The following SLFN12L variants were observed in gnomAD, a reference collection of about 807,000 sequenced individuals.
SLFN12L encodes the protein schlafen family member 12 like.
A neutral mutation model predicts 34.8 loss-of-function variants in SLFN12L; 34 were observed. That is an observed-to-expected ratio of 0.98 (90% CI 0.74 to 1.30). The LOEUF (loss-of-function observed/expected upper bound fraction) is 1.30, where lower values mean the gene tolerates loss of function less well. Among genes scored for constraint, SLFN12L ranks in the 50% most tolerant of loss-of-function variants. SLFN12L has a pLI of 0.00. For missense variants in SLFN12L, 703 were observed against 696.2 expected (o/e 1.01, Z -0.11); for synonymous variants, 259 against 247.5 (o/e 1.05, Z -0.44).
chr17:35,528,828 C>G (rs2072363121), intron 1 of SLFN12L, among the ~76,000 whole-genome samples: 1 of 152,040 alleles, frequency 6.6e-6, no homozygotes, highest in Middle Eastern at 3.2e-3. Context: ...GCAACAAAAG[C>G]CAAAACTGAC....
At chr17:35,484,092 G>C (rs1336938534) in intron 2 of SLFN12L, among the ~76,000 whole-genome samples, 4 of 152,158 alleles carry the variant, frequency 2.6e-5, no homozygotes, top group African/African-American at 9.7e-5. Flanking sequence ...TTGTGCACCA[G>C]AGTAGTCACC....
rs1913727785 is a variant in SLFN12L, at chr17:35,467,055, A to G, written c.*7868T>C. Among the ~76,000 whole-genome samples, 1 of 152,166 alleles carries G rather than the reference A, an allele frequency of 6.6e-6. No homozygotes were observed. The highest frequency in any genetic ancestry group is 2.4e-5 in the African/African-American group (1 of 41,432). On this transcript the variant is annotated 3_prime_UTR_variant, in exon 5 of 5. Transcript: ENST00000628453. The stretch of plus-strand genomic sequence containing the variant: ...GCTACCAAGTCCTGGGCTCTCTAGC[A>G]TATTCACACGCAGAAGGGAGTGACG...
intron 2 of SLFN12L, among the ~76,000 whole-genome samples, chr17:35,510,710 A>G (rs530630368): frequency 6.6e-6 from 1 of 152,334 alleles, no homozygotes; most frequent in Admixed American, 6.5e-5. Flanking sequence ...ACACTTTGAA[A>G]GAATTAATTA....
chr17:35,495,401 G>C (rs1289048560), intron 2 of SLFN12L, among the ~76,000 whole-genome samples: 1 of 152,046 alleles, frequency 6.6e-6, no homozygotes, highest in Non-Finnish European at 1.5e-5. Context: ...CTTTAAATAC[G>C]TACAGTTTCA....
At chr17:35,527,520 C>T (rs1437477917) in intron 1 of SLFN12L, among the ~76,000 whole-genome samples, 1 of 152,220 alleles carries the variant, frequency 6.6e-6, no homozygotes, top group Admixed American at 6.5e-5. Context: ...AAGTCAGCTT[C>T]ATCCCTGGGA....
chr17:35,482,752 G>A (rs1037508947), intron 2 of SLFN12L, among the ~76,000 whole-genome samples: 1 of 152,188 alleles, frequency 6.6e-6, no homozygotes, highest in Non-Finnish European at 1.5e-5. Flanking sequence ...GTGGGAGGCA[G>A]ACAGATTCCT....
chr17:35,484,509 A>T (rs1340897319), intron 2 of SLFN12L, among the ~76,000 whole-genome samples: 1 of 152,178 alleles, frequency 6.6e-6, no homozygotes, highest in Non-Finnish European at 1.5e-5. Context: ...GCCAGGTACC[A>T]ATCAGCACCA....
intron 2 of SLFN12L, among the ~76,000 whole-genome samples, chr17:35,512,396 C>G (rs1187120691): frequency 7.3e-6 from 1 of 136,550 alleles, no homozygotes; most frequent in East Asian, 2.2e-4. Flanking sequence ...AACGGAGTCT[C>G]GCTCTGTCGC....
At chr17:35,478,233 G>A (rs1467103370) in intron 3 of SLFN12L, 48 bp from the exon 4 acceptor site, 1 of 1,268,472 alleles carries the variant, frequency 7.9e-7, no homozygotes, top group Non-Finnish European at 1.1e-6. Flanking sequence ...AATTTGGCAT[G>A]GGAGAGACTC....
chr17:35,506,242 T>A (rs149083221), intron 2 of SLFN12L, among the ~76,000 whole-genome samples: 1 of 152,202 alleles, frequency 6.6e-6, no homozygotes, highest in Non-Finnish European at 1.5e-5. Flanking sequence ...TCATTAATAG[T>A]AATAAGTTAG....
At chr17:35,514,224 C>T (rs1444089431) in intron 2 of SLFN12L, among the ~76,000 whole-genome samples, 1 of 152,210 alleles carries the variant, frequency 6.6e-6, no homozygotes, top group Non-Finnish European at 1.5e-5. Flanking sequence ...TTAAACAAAA[C>T]ATTTCAAGAC....
chr17:35,525,225 A>G (rs753232439), intron 1 of SLFN12L, among the ~76,000 whole-genome samples: 1 of 152,164 alleles, frequency 6.6e-6, no homozygotes, highest in Admixed American at 6.5e-5. Flanking sequence ...GACCACATCT[A>G]CGTTTGATTG....
intron 2 of SLFN12L, chr17:35,498,172 G>A (rs890236293): frequency 9.0e-6 from 6 of 666,818 alleles, no homozygotes; most frequent in Admixed American, 6.5e-5. Context: ...CTCGATCCGG[G>A]AGGCGGCGGC....
At chr17:35,507,464 G>T (rs971203156) in intron 2 of SLFN12L, among the ~76,000 whole-genome samples, 3 of 152,188 alleles carry the variant, frequency 2.0e-5, no homozygotes, top group Non-Finnish European at 2.9e-5. Context: ...TATCAAAATA[G>T]ATTGGCTCTT....
In SLFN12L at chr17:35,475,244, A is replaced by G. The variant is rs779555909; in HGVS notation, c.1518T>C (p.Asp506=). 9.9e-6 allele frequency: 16 copies of G among 1,614,156 alleles called. No individual in the cohort carries two copies. The highest frequency in any genetic ancestry group is 1.4e-5 in the Non-Finnish European group (16 of 1,180,026). Residue 506 remains aspartate, a synonymous_variant, in exon 5 of 5, where the codon GAT becomes GAC. Transcript: ENST00000628453. The part of the protein sequence containing the change: ...PVLYTFHMVQ[D]EEFKDYSTQT... ...GTGTAGAATAGTCTTTAAACTCCTC[A>G]TCCTGTACCATGTGGAAGGTGTATA...
At chr17:35,490,999 C>T in intron 2 of SLFN12L, 1 of 787,818 alleles carries the variant, frequency 1.3e-6, no homozygotes, top group South Asian at 1.3e-5. Context: ...CTATGGGAAA[C>T]CTTTCTCCTC....
intron 4 of SLFN12L, 134 bp from the exon 5 acceptor site, chr17:35,475,619 C>G: frequency 7.3e-7 from 1 of 1,363,878 alleles, no homozygotes; most frequent in Non-Finnish European, 9.6e-7. Context: ...TGTATCAGGG[C>G]CAGGCATGGT....
chr17:35,485,378 G>GT (rs1397086858), intron 2 of SLFN12L, among the ~76,000 whole-genome samples: 2 of 151,860 alleles, frequency 1.3e-5, no homozygotes, highest in Non-Finnish European at 2.9e-5. Flanking sequence ...GGAGTTGTTT[G>GT]TTTTTTTCTT....
chr17:35,495,935 ACACACACAC>A (rs1228726617), intron 2 of SLFN12L, among the ~76,000 whole-genome samples: 1 of 150,540 alleles, frequency 6.6e-6, no homozygotes. Context: ...ACACACACAC[ACACACACAC>A]ACAACAAAAC....
Sources: gnomAD v4.1 joint callset for allele counts (sites outside exome capture counted in the v4.1 genomes callset) on GRCh38, gnomAD v4.1.1 for gene constraint, MANE v1.5 for transcripts, NCBI Gene and HGNC (gene_info 2026-07-23, HGNC 2026-07-21) for gene names.